The following XRRA1 variants were observed in gnomAD, a reference collection of about 807,000 sequenced individuals.
XRRA1 encodes the protein X-ray radiation resistance associated 1.
XRRA1 carries 69 observed loss-of-function variants against 80.2 expected under a neutral mutation model. That is an observed-to-expected ratio of 0.86 (90% CI 0.71 to 1.05). The LOEUF is 1.05. XRRA1 is among the 50% of genes least tolerant of loss of function. XRRA1 has a pLI of 0.00. For missense variants in XRRA1, 967 were observed against 976.4 expected (o/e 0.99, Z 0.13); for synonymous variants, 348 against 389.9 (o/e 0.89, Z 1.27).
intron 8 of XRRA1, among the ~76,000 whole-genome samples, chr11:74,915,998 C>T (rs957111542): frequency 6.6e-6 from 1 of 152,140 alleles, no homozygotes; most frequent in Admixed American, 6.5e-5. Flanking sequence ...TATCAGCCCA[C>T]TGCCTTCTGG....
chr11:74,883,389 C>T (rs183677812), intron 10 of XRRA1, among the ~76,000 whole-genome samples: 5,332 of 152,160 alleles, frequency 0.035, 322 homozygotes, highest in African/African-American at 0.12. Context: ...GTGTGCGCAC[C>T]CACTGACCTG....
Position 74,843,208 on chromosome 11 carries a change from G to A in XRRA1, c.2395C>T (p.Gln799Ter), listed in dbSNP as rs2036857519. ...FCQEPTASDSQG is the reference protein window; with the variant it reads ...FCQEPTASDS Reference sequence around the variant, plus strand: ...AGCCCCCATGCACAGCTCTAGCCTTGTGAGTCACTGGCTGTGGGCTCCTGG... The same window carrying A: ...AGCCCCCATGCACAGCTCTAGCCTTATGAGTCACTGGCTGTGGGCTCCTGG... Residue 799 changes from glutamine to a stop codon, truncating the protein, a stop_gained, in exon 19 of 19, where the codon CAA (glutamine) becomes TAA (stop). Coordinates refer to ENST00000684022, the MANE Select transcript of XRRA1 (RefSeq NM_001378157.1). LOFTEE classifies it high-confidence loss of function. The A allele has an allele frequency of 6.4e-6, 10 of 1,556,660 alleles. No homozygotes were observed. The highest frequency in any genetic ancestry group is 8.7e-6 in the Non-Finnish European group (10 of 1,150,234).
chr11:74,944,005 A>G (rs753590401), intron 2 of XRRA1, among the ~76,000 whole-genome samples: 2 of 151,978 alleles, frequency 1.3e-5, no homozygotes, highest in African/African-American at 4.8e-5. Context: ...TATTTTTTGT[A>G]GGCACAGGGT....
chr11:74,930,905 G>A (rs979931411), intron 5 of XRRA1, among the ~76,000 whole-genome samples: 8 of 151,866 alleles, frequency 5.3e-5, no homozygotes, highest in African/African-American at 1.9e-4. Flanking sequence ...CCCCAGCTCG[G>A]GTGATCCTTC....
chr11:74,896,649 G>C (rs1184862650), intron 10 of XRRA1, among the ~76,000 whole-genome samples: 3 of 152,162 alleles, frequency 2.0e-5, no homozygotes, highest in Non-Finnish European at 4.4e-5. Context: ...TGTTGGCTTC[G>C]GGTCTGACAC....
chr11:74,930,200 G>A (rs1398854458), intron 6 of XRRA1, 100 bp downstream of exon 6: 11 of 996,826 alleles, frequency 1.1e-5, no homozygotes, highest in South Asian at 1.0e-4. Flanking sequence ...AAAGAGATGT[G>A]TGGCCAATCA....
chr11:74,935,268 G>A (rs1288579308), intron 4 of XRRA1, among the ~76,000 whole-genome samples: 4 of 152,172 alleles, frequency 2.6e-5, no homozygotes, highest in Admixed American at 2.6e-4. Context: ...AGCCATCTCA[G>A]GATCATGAAG....
intron 11 of XRRA1, 41 bp downstream of exon 11, chr11:74,862,940 T>C: frequency 6.7e-7 from 1 of 1,500,526 alleles, no homozygotes; most frequent in Non-Finnish European, 9.1e-7. Flanking sequence ...AAAATTAATG[T>C]TCTAACTCAG....
chr11:74,913,285 A>G (rs1302037713), intron 8 of XRRA1, among the ~76,000 whole-genome samples: 2 of 152,224 alleles, frequency 1.3e-5, no homozygotes, highest in Admixed American at 1.3e-4. Context: ...TGCCATCACT[A>G]AAGATTAAAA....
At chr11:74,874,233 C>CAA (rs367875228) in intron 10 of XRRA1, among the ~76,000 whole-genome samples, 849 of 48,322 alleles carry the variant, frequency 0.018, 62 homozygotes, top group East Asian at 0.023. Flanking sequence ...GACTCCGTCT[C>CAA]AAAAAAAAAA....
At chr11:74,849,663 C>T (rs1017160453) in intron 14 of XRRA1, among the ~76,000 whole-genome samples, 104 of 152,204 alleles carry the variant, frequency 6.8e-4, no homozygotes, top group African/African-American at 2.4e-3. Flanking sequence ...ACTTTCCCCG[C>T]CCCCTCCCAA....
intron 14 of XRRA1, 143 bp downstream of exon 14, chr11:74,850,944 CA>C: frequency 1.9e-6 from 1 of 520,592 alleles, no homozygotes; most frequent in South Asian, 2.8e-5. Context: ...CTTCCCAAAG[CA>C]AGGAAAGGAG....
At chr11:74,890,693 A>C (rs1212571853) in intron 10 of XRRA1, among the ~76,000 whole-genome samples, 2 of 152,268 alleles carry the variant, frequency 1.3e-5, no homozygotes, top group East Asian at 3.8e-4. Flanking sequence ...AGAATCAAAT[A>C]GATGCAATAA....
intron 10 of XRRA1, among the ~76,000 whole-genome samples, chr11:74,867,923 T>TTTA (rs1469101872): frequency 2.1e-5 from 3 of 144,782 alleles, no homozygotes; most frequent in Admixed American, 6.9e-5. Context: ...CAATCTTTTT[T>TTTA]TTTTTTTTTT....
At chr11:74,850,284 A>T (rs555288904) in intron 14 of XRRA1, among the ~76,000 whole-genome samples, 37 of 152,324 alleles carry the variant, frequency 2.4e-4, no homozygotes, top group African/African-American at 8.7e-4. Flanking sequence ...AGGAGAGAGG[A>T]TTCTGCCCCT....
At chr11:74,945,167 C>G (rs541348931) in intron 1 of XRRA1, 82 bp from the exon 2 acceptor site, 1 of 152,526 alleles carries the variant, frequency 6.6e-6, no homozygotes, top group African/African-American at 2.4e-5. Flanking sequence ...CTACTGTGAG[C>G]CTTCCACTCC....
At chr11:74,924,204 G>A (rs1255796693) in intron 7 of XRRA1, among the ~76,000 whole-genome samples, 7 of 151,348 alleles carry the variant, frequency 4.6e-5, no homozygotes, top group South Asian at 2.1e-4. Flanking sequence ...GGCCGGGCGC[G>A]GTGGCTCACG....
chr11:74,946,720 T>C (rs1392837016), intron 1 of XRRA1, among the ~76,000 whole-genome samples: 1 of 151,898 alleles, frequency 6.6e-6, no homozygotes, highest in Non-Finnish European at 1.5e-5. Flanking sequence ...ATCTCCAAGG[T>C]CAGGTCAGGC....
rs529249960 is a variant in XRRA1 at position 74,892,385 on chromosome 11, C to A, written c.1003+13854G>T. ...AGCTGAAACTGGATCCCGTCCTTAC[C>A]CCTTATACAAAAATTAATTCAAGAT... is the stretch of plus-strand genomic sequence containing the variant. On this transcript the variant is annotated intron_variant, in intron 10 of 18. Transcript: ENST00000684022. 4.1e-4 allele frequency among the ~76,000 whole-genome samples: 63 copies of A among 152,060 alleles called. No individual in the cohort carries two copies. The South Asian group carries it at 7.1e-3, about 17-fold the overall frequency.
Sources: allele counts gnomAD v4.1 joint callset (sites outside exome capture counted in the v4.1 genomes callset), GRCh38; gene constraint gnomAD v4.1.1; transcripts MANE v1.5; gene names NCBI Gene and HGNC (gene_info 2026-07-23, HGNC 2026-07-21).